The following RAB40B variants were observed in gnomAD, a reference collection of about 807,000 sequenced individuals.
The protein encoded by RAB40B is ras-related protein Rab-40B.
A neutral mutation model predicts 24.0 loss-of-function variants in RAB40B; 21 were observed. The observed-to-expected ratio is 0.88, with a 90% CI of 0.62 to 1.26. The LOEUF is 1.26. Ranked by LOEUF, RAB40B falls within the 50% of genes most tolerant of loss-of-function variation. The pLI, the probability that RAB40B is intolerant of heterozygous loss-of-function variation, is 0.00. For missense variants in RAB40B, 348 were observed against 390.5 expected, an observed-to-expected ratio of 0.89 and a Z score of 0.92; for synonymous variants, 167 against 169.8, an observed-to-expected ratio of 0.98 and a Z score of 0.13.
chr17:82,662,055 G>A, intron 2 of RAB40B: 1 of 985,394 alleles, frequency 1.0e-6, no homozygotes, highest in Non-Finnish European at 1.2e-6. Context: ...GTGGGCCAGG[G>A]GCTGGCCCCG....
chr17:82,660,434 AC>A (rs981132278), intron 3 of RAB40B, among the ~76,000 whole-genome samples: 6 of 150,942 alleles, frequency 4.0e-5, no homozygotes, highest in African/African-American at 1.2e-4. Flanking sequence ...AAACACACGC[AC>A]AGGCACTCAT....
At chr17:82,687,268 A>G (rs1457655171) in intron 1 of RAB40B, among the ~76,000 whole-genome samples, 2 of 152,224 alleles carry the variant, frequency 1.3e-5, no homozygotes, top group Non-Finnish European at 2.9e-5. Flanking sequence ...AGAAAATTTC[A>G]TACTCTTCAT....
chr17:82,658,676 C>T lies in RAB40B; in HGVS notation c.380G>A (p.Arg127His), dbSNP rs1158631821. The change falls in exon 5 of 6, where the codon CGC (arginine) becomes CAC (histidine). Residue 127 changes from arginine to histidine, a missense_variant. Arg to His is a conservative substitution (Grantham distance 29, BLOSUM62 0). Around this residue, in one of 3 missense-constraint regions of RAB40B, gnomAD observed 126 missense variants for 181.0 expected, o/e 0.70. Coordinates refer to ENST00000571995, the MANE Select transcript of RAB40B (RefSeq NM_006822.3). ...PGVPKILVGN[R>H]LHLAFKRQVP... ...CTGCCGCTTGAACGCCAGGTGCAGG[C>T]GGTTCCCCACCAGGATCTTGGGGAC... 3 of 1,612,788 alleles carry T rather than the reference C, an allele frequency of 1.9e-6. No individual in the cohort carries two copies. The highest frequency in any genetic ancestry group is 1.6e-4 in the Middle Eastern group (1 of 6,074).
rs1433845457 is a variant in RAB40B at position 82,675,942 on chromosome 17, C to T, written c.143-11386G>A. Among the ~76,000 whole-genome samples, 2 of 152,084 alleles carry T rather than the reference C, an allele frequency of 1.3e-5. No individual in the cohort carries two copies. The highest frequency in any genetic ancestry group is 2.4e-5 in the African/African-American group (1 of 41,402). Reference sequence around the variant, plus strand: ...CAGGGGGGAGAGGTGGCAACAGTGACGACCTGAAGCCCCTGGTACTCTGAG... The same window carrying T: ...CAGGGGGGAGAGGTGGCAACAGTGATGACCTGAAGCCCCTGGTACTCTGAG... On this transcript the variant is annotated intron_variant, in intron 1 of 5. Transcript: ENST00000571995. The surrounding 1 kb of genome is among the most constrained non-coding windows in gnomAD (Gnocchi z 4.5).
chr17:82,695,855 C>T (rs2046604594), intron 1 of RAB40B, among the ~76,000 whole-genome samples: 2 of 152,040 alleles, frequency 1.3e-5, no homozygotes, highest in African/African-American at 4.8e-5. Context: ...GCAGCTCAGG[C>T]CAAGTAGACA....
At chr17:82,682,709 C>T (rs1448034268) in intron 1 of RAB40B, among the ~76,000 whole-genome samples, 1 of 152,132 alleles carries the variant, frequency 6.6e-6, no homozygotes, top group East Asian at 1.9e-4. Context: ...GAAATAGGCC[C>T]ACACAAAAAT....
At chr17:82,685,610 G>A (rs2046491768) in intron 1 of RAB40B, among the ~76,000 whole-genome samples, 1 of 152,142 alleles carries the variant, frequency 6.6e-6, no homozygotes, top group African/African-American at 2.4e-5. Flanking sequence ...CAGGGCCAGG[G>A]GCTCCAGTGC....
intron 1 of RAB40B, among the ~76,000 whole-genome samples, chr17:82,695,963 G>A (rs1489516984): frequency 2.0e-5 from 3 of 151,896 alleles, no homozygotes; most frequent in East Asian, 1.9e-4. Flanking sequence ...TCCGCCTCCC[G>A]GGTTCAAGCA....
At position 82,697,608 on chromosome 17, in the gene RAB40B, G is replaced by T. The variant is rs919279042; in HGVS notation, c.142+847C>A. On this transcript the variant is annotated intron_variant, in intron 1 of 5. Transcript: ENST00000571995. The surrounding 1 kb of genome is among the most constrained non-coding windows in gnomAD (Gnocchi z 4.9). Reference sequence around the variant, plus strand: ...CTCGTCCAAGCTGTTCCAGGGATGCGCGTGGGTGAAGGCCCCGCCTGCTCC... The same window carrying T: ...CTCGTCCAAGCTGTTCCAGGGATGCTCGTGGGTGAAGGCCCCGCCTGCTCC... Among the ~76,000 whole-genome samples the T allele has an allele frequency of 1.3e-5, 2 of 152,188 alleles. No homozygotes were observed. Among genetic ancestry groups the T allele is most frequent in the African/African-American group, 4.8e-5 (2 of 41,452 alleles).
Position 82,678,056 on chromosome 17 carries a change from CTCT to C in RAB40B, c.143-13503_143-13501del, listed in dbSNP as rs535094296. Among the ~76,000 whole-genome samples, 303 of 152,324 alleles carry C rather than the reference CTCT, an allele frequency of 2.0e-3. 1 individual carries two copies. The highest frequency in any genetic ancestry group is 3.4e-3 in the Middle Eastern group (1 of 294). On this transcript the variant is annotated intron_variant, in intron 1 of 5. Transcript: ENST00000571995. ...TGTTCAAATTCAATTTGTGAGAAGACTCTTCTTTTCATAAGCCCATTGATGGAG... is the reference window on the plus strand; with the variant it reads ...TGTTCAAATTCAATTTGTGAGAAGACTCTTTTCATAAGCCCATTGATGGAG...
chr17:82,663,895 G>T lies in RAB40B; in HGVS notation c.203+601C>A, dbSNP rs907582280. On this transcript the variant is annotated intron_variant, in intron 2 of 5. Transcript: ENST00000571995. The surrounding 1 kb of genome is among the most constrained non-coding windows in gnomAD (Gnocchi z 6.2). ...TCTGGGGTCCCCTACTCTGGATGAC[G>T]GGGGCCCAGACAACCGGACCACCAC... 2.0e-5 allele frequency among the ~76,000 whole-genome samples: 3 copies of T among 152,150 alleles called. No homozygotes were observed. Among genetic ancestry groups the T allele is most frequent in the African/African-American group, 7.2e-5 (3 of 41,422 alleles).
At chr17:82,662,007 A>T (rs1369250401) in intron 2 of RAB40B, 4 of 985,312 alleles carry the variant, frequency 4.1e-6, no homozygotes, top group Non-Finnish European at 4.8e-6. Flanking sequence ...GAGTCTGCAC[A>T]TGCAACGAAC....
intron 1 of RAB40B, among the ~76,000 whole-genome samples, chr17:82,681,613 A>G (rs768685287): frequency 6.6e-5 from 10 of 152,196 alleles, no homozygotes; most frequent in Non-Finnish European, 7.3e-5. Context: ...CATTAAAATA[A>G]CTTACTATAC....
In RAB40B at chr17:82,657,755, G is replaced by A; in HGVS notation, c.*108C>T. The A allele has an allele frequency of 7.5e-7, 1 of 1,331,970 alleles. No homozygotes were observed. The highest frequency in any genetic ancestry group is 1.1e-6 in the Non-Finnish European group (1 of 924,466). 82.5% of individuals were successfully genotyped at this position (1,331,970 alleles called of 1,614,324 possible). ...CGGAAGGCGTCGCACACATTCGCAA[G>A]CAGCATTCGCCGAGAGGAACCGGGA... On this transcript the variant is annotated 3_prime_UTR_variant, in exon 6 of 6. Coordinates refer to ENST00000571995, the MANE Select transcript of RAB40B (RefSeq NM_006822.3).
At position 82,659,614 on chromosome 17, in the gene RAB40B, T is replaced by A. The variant is rs202021296; in HGVS notation, c.308A>T (p.Asp103Val). ...VYDIANRWSF[D>V]GIDRWIKEID... ...CTCCTTAATCCATCGATCAATGCCG[T>A]CAAAAGACCAGCGGTTCGCAATGTC... The change falls in exon 4 of 6, where the codon GAC (aspartate) becomes GTC (valine). Residue 103 changes from aspartate (D) to valine (V), a missense_variant. This residue lies in a region of RAB40B where 126 missense variants were observed against 181.0 expected (regional missense o/e 0.70). Coordinates refer to ENST00000571995, the MANE Select transcript of RAB40B (RefSeq NM_006822.3). The A allele has an allele frequency of 3.1e-6, 5 of 1,614,040 alleles. No individual in the cohort carries two copies. Among genetic ancestry groups the A allele is most frequent in the Non-Finnish European group, 4.2e-6 (5 of 1,180,006 alleles).
At chr17:82,665,218 C>T (rs898003034) in intron 1 of RAB40B, among the ~76,000 whole-genome samples, 4 of 149,920 alleles carry the variant, frequency 2.7e-5, no homozygotes, top group Non-Finnish European at 4.4e-5. Flanking sequence ...AAGTTAAAAA[C>T]AAACAAACAA....
intron 1 of RAB40B, among the ~76,000 whole-genome samples, chr17:82,680,706 TGAA>T (rs1666169279): frequency 6.6e-6 from 1 of 152,130 alleles, no homozygotes; most frequent in Non-Finnish European, 1.5e-5. Context: ...ATTTTTCATA[TGAA>T]GTATTGATAC....
chr17:82,673,404 G>A (rs970553735), intron 1 of RAB40B, among the ~76,000 whole-genome samples: 3 of 152,092 alleles, frequency 2.0e-5, no homozygotes, highest in Admixed American at 6.6e-5. Context: ...TGGACTGGGA[G>A]GACTGTTGCC....
chr17:82,687,851 C>T (rs1353053151), intron 1 of RAB40B, among the ~76,000 whole-genome samples: 1 of 152,162 alleles, frequency 6.6e-6, no homozygotes, highest in Non-Finnish European at 1.5e-5. Flanking sequence ...GCAGGAGGAT[C>T]GCTTGAGCCC....
Sources: allele counts gnomAD v4.1 joint callset (sites outside exome capture counted in the v4.1 genomes callset), GRCh38; gene constraint gnomAD v4.1.1; regional missense constraint gnomAD v4.1.1; non-coding constraint Gnocchi (gnomAD v3.1); transcripts MANE v1.5; gene names NCBI Gene and HGNC (gene_info 2026-07-23, HGNC 2026-07-21).